The following NELL2 variants were observed in gnomAD, a reference collection of about 807,000 sequenced individuals.
The protein encoded by NELL2 is protein kinase C-binding protein NELL2.
NELL2 carries 41 observed loss-of-function variants against 109.6 expected under a neutral mutation model. That is an observed-to-expected ratio of 0.37 (90% confidence interval 0.29 to 0.49). The LOEUF is 0.49. Among genes scored for constraint, NELL2 ranks in the 20% least tolerant of loss-of-function variants. The pLI is 0.98. For synonymous variants in NELL2, 355 were observed against 344.7 expected, an observed-to-expected ratio of 1.03 and a Z score of -0.33; for missense variants, 900 against 1,008.3, an observed-to-expected ratio of 0.89 and a Z score of 1.45.
At position 44,899,284 on chromosome 12, in the gene NELL2, A is replaced by G. The variant is rs139538313; in HGVS notation, c.38+14515T>C. ...GAGAACACCATAATGATACTCCTCG[A>G]GAAGAGCAACCCAAAGACACATAAT... On this transcript the variant is annotated intron_variant, in intron 1 of 20. Coordinates refer to the NELL2 transcript ENST00000333837. 3.9e-5 allele frequency among the ~76,000 whole-genome samples: 6 copies of G among 152,302 alleles called. 1 individual carries two copies. Among genetic ancestry groups the G allele is most frequent in the African/African-American group, 1.4e-4 (6 of 41,566 alleles).
At chr12:44,809,535 C>T (rs1356039258) in intron 3 of NELL2, among the ~76,000 whole-genome samples, 1 of 151,844 alleles carries the variant, frequency 6.6e-6, no homozygotes, top group Non-Finnish European at 1.5e-5. Flanking sequence ...ACTGAAGAGC[C>T]AAAACTCTTT....
chr12:44,561,468 CA>C (rs1282725856), intron 15 of NELL2, among the ~76,000 whole-genome samples: 4 of 152,132 alleles, frequency 2.6e-5, no homozygotes, highest in African/African-American at 2.4e-5. Flanking sequence ...AGCTGATAAG[CA>C]ACTTCAGCAA....
rs1018199982 is a variant in NELL2 at position 44,513,248 on chromosome 12, C to T, written c.2401-4264G>A. Among the ~76,000 whole-genome samples the T allele has an allele frequency of 2.0e-5, 3 of 152,028 alleles. No individual in the cohort carries two copies. In the East Asian group the frequency reaches 5.8e-4, roughly 29 times the overall value. On this transcript the variant is annotated intron_variant, in intron 19 of 19. Transcript: ENST00000429094. ...AGACCCCCCCTAACTGGTGTAAAGC[C>T]AACCTCTAATAAGTGCTAGGTTATT...
intron 13 of NELL2, among the ~76,000 whole-genome samples, chr12:44,642,852 AGTCTGGG>A (rs1275751854): frequency 6.6e-6 from 1 of 152,240 alleles, no homozygotes; most frequent in Non-Finnish European, 1.5e-5. Flanking sequence ...ACTGCACTTC[AGTCTGGG>A]AGACAGAGCA....
At chr12:44,689,986 A>G (rs1462057345) in intron 12 of NELL2, among the ~76,000 whole-genome samples, 2 of 152,206 alleles carry the variant, frequency 1.3e-5, no homozygotes, top group Admixed American at 6.5e-5. Flanking sequence ...TAAACTAAAG[A>G]CTCAAAAATA....
At chr12:44,547,025 G>T (rs1352061233) in intron 15 of NELL2, among the ~76,000 whole-genome samples, 2 of 151,942 alleles carry the variant, frequency 1.3e-5, no homozygotes, top group African/African-American at 4.8e-5. Flanking sequence ...TTTTTTAAAA[G>T]ATTTATATGG....
intron 15 of NELL2, among the ~76,000 whole-genome samples, chr12:44,580,039 C>T (rs1252892577): frequency 6.6e-6 from 1 of 151,994 alleles, no homozygotes; most frequent in Non-Finnish European, 1.5e-5. Flanking sequence ...GCAAAAAATA[C>T]GTGTTTCAGA....
intron 2 of NELL2, among the ~76,000 whole-genome samples, chr12:44,839,676 G>C (rs1944162882): frequency 6.6e-6 from 1 of 152,126 alleles, no homozygotes; most frequent in Non-Finnish European, 1.5e-5. Context: ...TTAGTGAAGT[G>C]TTCGCTTGAG....
rs1346495662 is a variant in NELL2 at position 44,524,667 on chromosome 12, AG to A, written c.1805-1184del. 6.6e-5 allele frequency among the ~76,000 whole-genome samples: 10 copies of A among 152,328 alleles called. No individual in the cohort carries two copies. In the East Asian group the frequency reaches 1.9e-3, roughly 29 times the overall value. On this transcript the variant is annotated intron_variant, in intron 16 of 19. Coordinates refer to ENST00000429094, the MANE Select transcript of NELL2 (RefSeq NM_001145108.2). ...ATATGTATTCCTGAAAGTAAGCCACAGGACATTTTTTTTCTATTTGCCTTGA... is the reference window on the plus strand; with the variant it reads ...ATATGTATTCCTGAAAGTAAGCCACAGACATTTTTTTTCTATTTGCCTTGA...
At position 44,898,413 on chromosome 12, in the gene NELL2, G is replaced by A. The variant is rs189233042; in HGVS notation, c.38+15386C>T. Among the ~76,000 whole-genome samples, 231 of 152,290 alleles carry A rather than the reference G, an allele frequency of 1.5e-3. 1 individual carries two copies. The highest frequency in any genetic ancestry group is 5.4e-3 in the African/African-American group (226 of 41,568). ...ATGAAGCTTCCAGAGGAAGGAGCAG[G>A]CAGCAAACTCTGCTGTTCTGCAGAC... On this transcript the variant is annotated intron_variant, in intron 1 of 20. Coordinates refer to the NELL2 transcript ENST00000333837.
In NELL2 at chr12:44,774,825, G is replaced by A. The variant is rs751694774; in HGVS notation, c.916C>T (p.Leu306=). Residue 306 remains leucine, a synonymous_variant, in exon 9 of 20, where the codon CTA becomes TTA. Transcript: ENST00000429094. ...CLNGTIQCET[L]ICPNPDCPLK... ...GGGCAGTCAGGATTTGGGCAGATTA[G>A]AGTTTCACACTGGATGGTTCCATTC... 6.2e-7 allele frequency: 1 copy of A among 1,613,918 alleles called. No homozygotes were observed. The highest frequency in any genetic ancestry group is 1.7e-5 in the Admixed American group (1 of 60,034).
intron 15 of NELL2, among the ~76,000 whole-genome samples, chr12:44,558,408 G>A (rs1203328342): frequency 6.6e-6 from 1 of 152,254 alleles, no homozygotes; most frequent in Non-Finnish European, 1.5e-5. Flanking sequence ...GCAGCTCTCA[G>A]AGAGATAAAC....
rs1231300201 is a variant in NELL2, at chr12:44,508,659, A to G, written c.*275T>C. 2 of 278,794 alleles carry G rather than the reference A, an allele frequency of 7.2e-6. No individual in the cohort carries two copies. Among genetic ancestry groups the G allele is most frequent in the Non-Finnish European group, 6.7e-6 (1 of 148,864 alleles). 17.3% of individuals were successfully genotyped at this position (278,794 alleles called of 1,614,324 possible). ...TCCAATGGGCTCAGGCTTTCTATCCAGGGTTCAGGATGTCACGGTATATAC... is the reference window on the plus strand; with the variant it reads ...TCCAATGGGCTCAGGCTTTCTATCCGGGGTTCAGGATGTCACGGTATATAC... On this transcript the variant is annotated 3_prime_UTR_variant, in exon 20 of 20. Coordinates refer to ENST00000429094, the MANE Select transcript of NELL2 (RefSeq NM_001145108.2).
In NELL2 at chr12:44,816,130, G is replaced by A; in HGVS notation, c.191C>T (p.Pro64Leu). ...GTKAFLFQDT[P>L]RSIKASTATA... ...AGCAGTGGATGCTTTTATGCTTCTG[G>A]GAGTATCTAAAAAAGAAACAAACAT... Residue 64 changes from proline to leucine, a missense_variant, in exon 3 of 20, where the codon CCC becomes CTC. By Grantham distance (98) the Pro-to-Leu change is moderately conservative (BLOSUM62 -3). Around this residue, in one of 4 missense-constraint regions of NELL2, gnomAD observed 200 missense variants for 191.8 expected, o/e 1.04. Transcript: ENST00000429094. The A allele has an allele frequency of 1.3e-6, 2 of 1,588,348 alleles. No individual in the cohort carries two copies. Among genetic ancestry groups the A allele is most frequent in the Non-Finnish European group, 1.7e-6 (2 of 1,171,502 alleles).
intron 13 of NELL2, among the ~76,000 whole-genome samples, chr12:44,650,280 T>C (rs1947253230): frequency 6.7e-6 from 1 of 148,642 alleles, no homozygotes; most frequent in Non-Finnish European, 1.5e-5. Flanking sequence ...TGAATGTCTT[T>C]ACCTGCCTCC....
intron 11 of NELL2, among the ~76,000 whole-genome samples, chr12:44,708,707 A>G (rs1351347314): frequency 2.0e-5 from 3 of 152,190 alleles, no homozygotes; most frequent in Non-Finnish European, 4.4e-5. Context: ...AATCTGTCCA[A>G]TTTCAGTTTG....
intron 9 of NELL2, among the ~76,000 whole-genome samples, chr12:44,771,289 T>A (rs1941537049): frequency 6.6e-6 from 1 of 151,884 alleles, no homozygotes. Context: ...TCTGGTGAGC[T>A]TAGCAACTGG....
chr12:44,742,608 C>T (rs2136502678), intron 9 of NELL2, among the ~76,000 whole-genome samples: 1 of 152,240 alleles, frequency 6.6e-6, no homozygotes, highest in Non-Finnish European at 1.5e-5. Flanking sequence ...CAGAGAAGTC[C>T]TTAAAGGACC....
chr12:44,690,472 A>C (rs1024216077), intron 12 of NELL2, among the ~76,000 whole-genome samples: 1 of 152,132 alleles, frequency 6.6e-6, no homozygotes, highest in African/African-American at 2.4e-5. Context: ...CATTTTTAAC[A>C]AGCTCCTAGA....
Sources: gnomAD v4.1 joint callset for allele counts (sites outside exome capture counted in the v4.1 genomes callset) on GRCh38, gnomAD v4.1.1 for gene constraint, gnomAD v4.1.1 regional missense constraint, MANE v1.5 for transcripts, NCBI Gene and HGNC (gene_info 2026-07-23, HGNC 2026-07-21) for gene names.